ZSWIM7: variants seen among roughly 807,000 people sequenced by gnomAD.
The protein encoded by ZSWIM7 is zinc finger SWIM-type containing 7.
ZSWIM7 carries 22 observed loss-of-function variants against 21.1 expected under a neutral mutation model. That is an observed-to-expected ratio of 1.04 (90% CI 0.74 to 1.49). The LOEUF is 1.49. Among genes scored for constraint, ZSWIM7 ranks in the 40% most tolerant of loss-of-function variants. The pLI, the probability that ZSWIM7 is intolerant of heterozygous loss-of-function variation, is 0.00. For synonymous variants in ZSWIM7, 67 were observed against 66.5 expected (o/e 1.01, Z -0.04); for missense variants, 193 against 168.0 (o/e 1.15, Z -0.82).
intron 3 of ZSWIM7, among the ~76,000 whole-genome samples, 156 bp from the exon 4 acceptor site, chr17:15,981,300 C>A (rs773381861): frequency 6.6e-6 from 1 of 152,114 alleles, no homozygotes; most frequent in Non-Finnish European, 1.5e-5. Context: ...TTCTCTTCCT[C>A]CAGTGTACAG....
intron 2 of ZSWIM7, among the ~76,000 whole-genome samples, chr17:15,993,222 C>T (rs576881471): frequency 1.5e-3 from 233 of 151,504 alleles, no homozygotes; most frequent in Non-Finnish European, 2.5e-3. Context: ...TGGGGGGTCT[C>T]CCTATTTTGC....
intron 3 of ZSWIM7, among the ~76,000 whole-genome samples, chr17:15,981,784 C>T (rs1970359120): frequency 6.6e-6 from 1 of 152,100 alleles, no homozygotes; most frequent in Non-Finnish European, 1.5e-5. Flanking sequence ...GGTATGGTGG[C>T]ACATGCCAGT....
At chr17:15,988,612 C>T (rs185357372) in intron 2 of ZSWIM7, among the ~76,000 whole-genome samples, 1 of 151,164 alleles carries the variant, frequency 6.6e-6, no homozygotes, top group Non-Finnish European at 1.5e-5. Flanking sequence ...TCCAGGAGTT[C>T]AAGACCAGCC....
chr17:15,997,803 G>C (rs971681671), intron 1 of ZSWIM7, among the ~76,000 whole-genome samples: 1 of 152,050 alleles, frequency 6.6e-6, no homozygotes, highest in African/African-American at 2.4e-5. Context: ...TCTTGTTGGA[G>C]GGAAAAAACC....
intron 3 of ZSWIM7, among the ~76,000 whole-genome samples, chr17:15,986,169 G>A (rs759140876): frequency 1.3e-5 from 2 of 152,010 alleles, no homozygotes; most frequent in Admixed American, 6.6e-5. Flanking sequence ...TCAACCTCCC[G>A]AGTAGCTGGA....
intron 2 of ZSWIM7, among the ~76,000 whole-genome samples, chr17:15,988,716 T>G (rs564251749): frequency 1.8e-4 from 28 of 151,780 alleles, no homozygotes; most frequent in African/African-American, 6.8e-4. Context: ...ACCAGCACTG[T>G]ATAAGACTTC....
chr17:15,981,173 C>T (rs1279993607), intron 3 of ZSWIM7, 29 bp from the exon 4 acceptor site: 6 of 1,563,738 alleles, frequency 3.8e-6, no homozygotes, highest in Middle Eastern at 1.7e-4. Context: ...TGGGATCAGA[C>T]CTCAGATGTG....
At chr17:15,981,668 G>GAAA (rs1970357091) in intron 3 of ZSWIM7, among the ~76,000 whole-genome samples, 1 of 152,150 alleles carries the variant, frequency 6.6e-6, no homozygotes, top group Non-Finnish European at 1.5e-5. Flanking sequence ...CAGCACTTTG[G>GAAA]GAGGTCGAGG....
intron 4 of ZSWIM7, 136 bp downstream of exon 4, chr17:15,980,903 CT>C: frequency 1.8e-6 from 1 of 565,904 alleles, no homozygotes; most frequent in South Asian, 2.9e-5. Context: ...AGGTGACTAA[CT>C]GAAGACAAAG....
chr17:15,988,105 AC>A (rs1970438199), intron 2 of ZSWIM7, among the ~76,000 whole-genome samples: 1 of 152,178 alleles, frequency 6.6e-6, no homozygotes. Flanking sequence ...TACATAACAA[AC>A]ACACGTGCAT....
At chr17:15,980,896 T>G in intron 4 of ZSWIM7, 144 bp downstream of exon 4, 1 of 524,682 alleles carries the variant, frequency 1.9e-6, no homozygotes, top group East Asian at 3.0e-5. Flanking sequence ...CCCTAAGAGG[T>G]GACTAACTGA....
chr17:15,991,918 G>GT (rs529521274), intron 2 of ZSWIM7, among the ~76,000 whole-genome samples: 2 of 65,376 alleles, frequency 3.1e-5, no homozygotes, highest in African/African-American at 1.1e-4. Flanking sequence ...TTTTTTGTTT[G>GT]TTTTGTTTTG....
chr17:15,989,277 CT>C (rs1970452793), intron 2 of ZSWIM7, among the ~76,000 whole-genome samples: 1 of 151,700 alleles, frequency 6.6e-6, no homozygotes, highest in African/African-American at 2.4e-5. Context: ...AGCATGTTAA[CT>C]TTTTTAAAGG....
chr17:15,984,470 G>A (rs1179712821), intron 3 of ZSWIM7, among the ~76,000 whole-genome samples: 1 of 152,220 alleles, frequency 6.6e-6, no homozygotes, highest in East Asian at 1.9e-4. Flanking sequence ...GACCATGGCT[G>A]ACAGAACTTG....
intron 4 of ZSWIM7, among the ~76,000 whole-genome samples, chr17:15,979,777 G>A (rs1970329685): frequency 7.3e-6 from 1 of 137,786 alleles, no homozygotes; most frequent in Non-Finnish European, 1.6e-5. Flanking sequence ...CGGATGGGGC[G>A]GCTGGCCGGG....
intron 2 of ZSWIM7, among the ~76,000 whole-genome samples, chr17:15,989,551 G>A (rs1329250338): frequency 6.6e-6 from 1 of 152,046 alleles, no homozygotes; most frequent in Non-Finnish European, 1.5e-5. Flanking sequence ...CTCCTGACCT[G>A]AGGTGATCCC....
chr17:15,998,970 GGTCTCGAACTCCT>G (rs1294438172), intron 1 of ZSWIM7, among the ~76,000 whole-genome samples: 1 of 152,082 alleles, frequency 6.6e-6, no homozygotes, highest in Non-Finnish European at 1.5e-5. Flanking sequence ...TGGCCAGGCT[GGTCTCGAACTCCT>G]GACCTTAGGT....
intron 2 of ZSWIM7, among the ~76,000 whole-genome samples, chr17:15,988,672 C>A (rs1597440095): frequency 6.6e-6 from 1 of 151,486 alleles, no homozygotes; most frequent in Non-Finnish European, 1.5e-5. Context: ...AAAAAAAAAA[C>A]TAAAACACAC....
chr17:15,991,922 TG>T (rs1970489940), intron 2 of ZSWIM7, among the ~76,000 whole-genome samples: 4 of 133,972 alleles, frequency 3.0e-5, no homozygotes, highest in East Asian at 2.0e-4. Context: ...TTGTTTGTTT[TG>T]TTTTGTTTTG....
Sources: allele counts gnomAD v4.1 joint callset (sites outside exome capture counted in the v4.1 genomes callset), GRCh38; gene constraint gnomAD v4.1.1; transcripts MANE v1.5; gene names NCBI Gene and HGNC (gene_info 2026-07-23, HGNC 2026-07-21).